The following GFRA1 variants were observed in gnomAD, a reference collection of about 807,000 sequenced individuals.
The protein encoded by GFRA1 is GDNF family receptor alpha-1.
In GFRA1, 16 loss-of-function variants were observed where a neutral mutation model predicts 51.6. That is an observed-to-expected ratio of 0.31 (90% CI 0.21 to 0.47). The LOEUF (loss-of-function observed/expected upper bound fraction) is 0.47. Among genes scored for constraint, GFRA1 ranks in the 20% least tolerant of loss-of-function variants. The probability of loss-of-function intolerance (pLI) is 1.00; values close to 1 mark genes in which losing one functional copy is unlikely to be tolerated. For synonymous variants in GFRA1, 270 were observed against 241.3 expected (o/e 1.12, Z -1.10); for missense variants, 530 against 594.3 (o/e 0.89, Z 1.13).
chr10:116,072,690 G>T, intron 9 of GFRA1, among the ~76,000 whole-genome samples: 1 of 152,136 alleles, frequency 6.6e-6, no homozygotes, highest in East Asian at 1.9e-4. Context: ...GAACCCGGGA[G>T]GGGGAGGTTG....
chr10:116,101,898 A>G (rs1956830644), intron 6 of GFRA1, among the ~76,000 whole-genome samples: 1 of 152,326 alleles, frequency 6.6e-6, no homozygotes, highest in Non-Finnish European at 1.5e-5. Context: ...CTTCCACCTC[A>G]GAAATACAGT....
At chr10:116,107,856 T>C (rs1013272527) in intron 6 of GFRA1, among the ~76,000 whole-genome samples, 6 of 152,194 alleles carry the variant, frequency 3.9e-5, no homozygotes, top group Non-Finnish European at 7.4e-5. Flanking sequence ...CTTTGCTTCT[T>C]TGGAGGTTCC....
intron 9 of GFRA1, among the ~76,000 whole-genome samples, chr10:116,084,268 C>A (rs964675900): frequency 1.3e-5 from 2 of 152,132 alleles, no homozygotes; most frequent in African/African-American, 4.8e-5. Flanking sequence ...CCACATGGAC[C>A]CTTCATCTCT....
intron 9 of GFRA1, among the ~76,000 whole-genome samples, chr10:116,083,225 C>G (rs1418883340): frequency 6.6e-6 from 1 of 152,208 alleles, no homozygotes; most frequent in Non-Finnish European, 1.5e-5. Context: ...TTACTTCACC[C>G]TACTTGGAGG....
intron 4 of GFRA1, among the ~76,000 whole-genome samples, chr10:116,236,781 T>G (rs1966899017): frequency 6.6e-6 from 1 of 152,200 alleles, no homozygotes; most frequent in Non-Finnish European, 1.5e-5. Context: ...TCCCCCAGCA[T>G]TTTGTCTCTT....
chr10:116,196,651 TATATATAGTACTATATATAATATATATA>T (rs1963850453), intron 5 of GFRA1, among the ~76,000 whole-genome samples: 1 of 3,638 alleles, frequency 2.7e-4, no homozygotes, highest in African/African-American at 6.6e-4. Flanking sequence ...ATATATAATA[TATATATAGTACTATATATAATATATATA>T]ATATATAGTA....
intron 5 of GFRA1, among the ~76,000 whole-genome samples, chr10:116,151,093 C>G (rs187809958): frequency 2.2e-4 from 33 of 152,058 alleles, no homozygotes; most frequent in African/African-American, 7.7e-4. Context: ...CTGGGCTCAC[C>G]ACCTGGATCA....
intron 5 of GFRA1, among the ~76,000 whole-genome samples, chr10:116,174,678 TG>T: frequency 6.6e-6 from 1 of 152,316 alleles, no homozygotes; most frequent in South Asian, 2.1e-4. Flanking sequence ...AATTTCTCAG[TG>T]GAACAGTCAG....
intron 4 of GFRA1, among the ~76,000 whole-genome samples, chr10:116,238,465 C>A (rs1967084488): frequency 6.6e-6 from 1 of 152,218 alleles, no homozygotes; most frequent in Non-Finnish European, 1.5e-5. Context: ...TATATTTACA[C>A]ATGCAATATA....
intron 5 of GFRA1, among the ~76,000 whole-genome samples, chr10:116,172,153 C>G (rs1014510188): frequency 6.6e-6 from 1 of 152,202 alleles, no homozygotes; most frequent in African/African-American, 2.4e-5. Flanking sequence ...TGGAGTTTTG[C>G]TGGAGGACGA....
chr10:116,081,951 T>A (rs1418469937), intron 9 of GFRA1, among the ~76,000 whole-genome samples: 1 of 152,202 alleles, frequency 6.6e-6, no homozygotes, highest in African/African-American at 2.4e-5. Flanking sequence ...TATAAATAAG[T>A]ATAGCTCATA....
In GFRA1 at chr10:116,058,018, G is replaced by GTA; in HGVS notation, c.*6379_*6380insTA. ...TGTGTGTGTGTGTGTGTGTGTGTGT[G>GTA]TGTGTGTGTGTGTGTGTGTGTGTGA... On this transcript the variant is annotated 3_prime_UTR_variant, in exon 11 of 11. Transcript: ENST00000355422. The GTA allele has an allele frequency of 6.9e-6, 1 of 144,984 alleles. No individual in the cohort carries two copies. The highest frequency in any genetic ancestry group is 2.7e-4 in the East Asian group (1 of 3,742). 9.0% of individuals were successfully genotyped at this position (144,984 alleles called of 1,614,324 possible).
chr10:116,079,251 CTA>C (rs1350314109), intron 9 of GFRA1, among the ~76,000 whole-genome samples: 3 of 152,030 alleles, frequency 2.0e-5, no homozygotes, highest in Admixed American at 2.0e-4. Flanking sequence ...GCCTCCAGAG[CTA>C]TGAGAAATAA....
In GFRA1 at chr10:116,225,210, T is replaced by C. The variant is rs533683681; in HGVS notation, c.419-13565A>G. Among the ~76,000 whole-genome samples the C allele has an allele frequency of 3.6e-4, 55 of 152,250 alleles. No individual in the cohort carries two copies. In the South Asian group the frequency reaches 0.011, roughly 31 times the overall value. ...TCACCAAAAAAGGTAAAATTGCTTGTTCATAATTTTTTATATTAAATTACA... is the reference window on the plus strand; with the variant it reads ...TCACCAAAAAAGGTAAAATTGCTTGCTCATAATTTTTTATATTAAATTACA... On this transcript the variant is annotated intron_variant, in intron 4 of 10. Transcript: ENST00000355422.
At chr10:116,173,508 T>A (rs2134237851) in intron 5 of GFRA1, among the ~76,000 whole-genome samples, 1 of 152,318 alleles carries the variant, frequency 6.6e-6, no homozygotes, top group East Asian at 1.9e-4. Flanking sequence ...TGGCATATGG[T>A]ACACTTTATA....
intron 5 of GFRA1, among the ~76,000 whole-genome samples, chr10:116,172,266 A>G (rs1961103794): frequency 6.6e-6 from 1 of 152,158 alleles, no homozygotes; most frequent in African/African-American, 2.4e-5. Flanking sequence ...CATTAGAGGT[A>G]AGACAAGGGA....
chr10:116,199,620 T>G (rs1003244580), intron 5 of GFRA1, among the ~76,000 whole-genome samples: 3 of 152,250 alleles, frequency 2.0e-5, no homozygotes, highest in African/African-American at 7.2e-5. Context: ...ACATTTTATT[T>G]CATATGCATT....
chr10:116,097,290 G>A (rs1009822186), intron 6 of GFRA1, among the ~76,000 whole-genome samples: 4 of 152,198 alleles, frequency 2.6e-5, no homozygotes, highest in African/African-American at 7.2e-5. Context: ...CCAGCCCAGG[G>A]GTAGTGATTT....
intron 4 of GFRA1, among the ~76,000 whole-genome samples, chr10:116,217,263 G>A (rs960184841): frequency 1.3e-5 from 2 of 152,172 alleles, no homozygotes; most frequent in Admixed American, 6.5e-5. Context: ...TTACCAAGTG[G>A]ACACCCGGAG....
Sources: gnomAD v4.1 joint callset for allele counts (sites outside exome capture counted in the v4.1 genomes callset) on GRCh38, gnomAD v4.1.1 for gene constraint, MANE v1.5 for transcripts, NCBI Gene and HGNC (gene_info 2026-07-23, HGNC 2026-07-21) for gene names.